ABCA13: variants seen among roughly 807,000 people sequenced by gnomAD.
ABCA13 encodes ATP-binding cassette sub-family A member 13.
In ABCA13, 476 loss-of-function variants were observed where a neutral mutation model predicts 478.7. The observed-to-expected ratio is 0.99, with a 90% CI of 0.92 to 1.07. The LOEUF is 1.07. Among genes scored for constraint, ABCA13 ranks in the 50% least tolerant of loss-of-function variants. The probability of loss-of-function intolerance (pLI) is 0.00; values close to 1 mark genes in which losing one functional copy is unlikely to be tolerated. For missense variants in ABCA13, 6,060 were observed against 5,910.6 expected (o/e 1.03, Z -0.83); for synonymous variants, 2,252 against 2,158.9 (o/e 1.04, Z -1.20).
At position 48,455,120 on chromosome 7, in the gene ABCA13, C is replaced by T. The variant is rs761878795; in HGVS notation, c.12649C>T (p.Arg4217Cys). The change falls in exon 43 of 62, where the codon CGC (arginine) becomes TGC (cysteine). Residue 4217 changes from arginine to cysteine, a missense_variant. By Grantham distance (180) the Arg-to-Cys change is radical. Coordinates refer to ENST00000435803, the MANE Select transcript of ABCA13 (RefSeq NM_152701.5). ...GGCCGCGATCCTGGCCCGGAGGCTC[C>T]GCCGCACGCTGCGCGCCGGGAAGAG... is the stretch of plus-strand genomic sequence containing the variant. ...QVAAILARRL[R>C]RTLRAGKSTL... 3.8e-6 allele frequency: 6 copies of T among 1,562,036 alleles called. No individual in the cohort carries two copies. The highest frequency in any genetic ancestry group is 1.9e-5 in the Admixed American group (1 of 52,736).
At chr7:48,546,085 A>G (rs187647451) in intron 55 of ABCA13, among the ~76,000 whole-genome samples, 2 of 152,004 alleles carry the variant, frequency 1.3e-5, no homozygotes, top group African/African-American at 2.4e-5. Flanking sequence ...AATTCCAAAA[A>G]CAAACTCTTA....
chr7:48,336,292 CAG>C (rs1323243924), intron 28 of ABCA13, among the ~76,000 whole-genome samples: 1 of 152,116 alleles, frequency 6.6e-6, no homozygotes, highest in Non-Finnish European at 1.5e-5. Context: ...GGTTTTGACA[CAG>C]AGAAAATGCT....
At position 48,272,354 on chromosome 7, in the gene ABCA13, G is replaced by A; in HGVS notation, c.2688G>A (p.Glu896=). The change falls in exon 17 of 62, where the codon GAG becomes GAA. Residue 896 remains glutamate (E), a synonymous_variant. Transcript: ENST00000435803. Reference sequence around the variant, plus strand: ...ACATAGATTTTGTACGTTTAAGTGAGGCTATAATAACTAGTCTCCATGAAT... The same window carrying A: ...ACATAGATTTTGTACGTTTAAGTGAAGCTATAATAACTAGTCTCCATGAAT... ...AMNIDFVRLS[E]AIITSLHEFG... 2 of 1,613,762 alleles carry A rather than the reference G, an allele frequency of 1.2e-6. No individual in the cohort carries two copies. The highest frequency in any genetic ancestry group is 1.7e-4 in the Middle Eastern group (1 of 6,060).
At chr7:48,405,178 A>G (rs1818100584) in intron 39 of ABCA13, among the ~76,000 whole-genome samples, 1 of 152,258 alleles carries the variant, frequency 6.6e-6, no homozygotes, top group Non-Finnish European at 1.5e-5. Flanking sequence ...CCTTGGAGCT[A>G]GCTGGCTGGA....
chr7:48,458,623 T>G (rs576912596), intron 43 of ABCA13, among the ~76,000 whole-genome samples: 2 of 152,340 alleles, frequency 1.3e-5, no homozygotes, highest in East Asian at 3.9e-4. Flanking sequence ...ATATCTACAT[T>G]AAATTCACTG....
intron 14 of ABCA13, among the ~76,000 whole-genome samples, 200 bp from the exon 15 acceptor site, chr7:48,249,012 T>C (rs957278079): frequency 2.6e-5 from 4 of 152,194 alleles, no homozygotes; most frequent in Non-Finnish European, 5.9e-5. Flanking sequence ...AAATTGCTTT[T>C]CCTTATTTTT....
chr7:48,590,433 A>G (rs889788225), intron 57 of ABCA13, among the ~76,000 whole-genome samples: 1 of 152,078 alleles, frequency 6.6e-6, no homozygotes, highest in Non-Finnish European at 1.5e-5. Flanking sequence ...TCTGTAAATA[A>G]TGTTGTCATG....
At chr7:48,333,052 C>G (rs1374929184) in intron 27 of ABCA13, among the ~76,000 whole-genome samples, 1 of 152,180 alleles carries the variant, frequency 6.6e-6, no homozygotes, top group African/African-American at 2.4e-5. Context: ...TTTCTCCTCT[C>G]TTTCAGAGAC....
chr7:48,632,794 A>G (rs1297309093), intron 59 of ABCA13, among the ~76,000 whole-genome samples: 1 of 152,210 alleles, frequency 6.6e-6, no homozygotes, highest in Non-Finnish European at 1.5e-5. Flanking sequence ...TGCTTGGCTG[A>G]GGAGCCAATG....
intron 56 of ABCA13, among the ~76,000 whole-genome samples, chr7:48,584,004 T>C (rs967448483): frequency 3.3e-5 from 5 of 152,232 alleles, no homozygotes; most frequent in Non-Finnish European, 7.3e-5. Context: ...ACATGACATA[T>C]GTTTCCTAAC....
intron 23 of ABCA13, among the ~76,000 whole-genome samples, chr7:48,309,662 G>A (rs1036037467): frequency 1.8e-4 from 28 of 152,138 alleles, no homozygotes; most frequent in Non-Finnish European, 8.8e-5. Flanking sequence ...TTCAGAGTGA[G>A]CCTCGTGGAG....
At chr7:48,630,227 TG>T (rs1162619589) in intron 59 of ABCA13, among the ~76,000 whole-genome samples, 2 of 152,120 alleles carry the variant, frequency 1.3e-5, no homozygotes, top group Non-Finnish European at 2.9e-5. Context: ...TTTCATGTCA[TG>T]GGGGTTTGGT....
At chr7:48,494,232 T>C (rs1172853975) in intron 48 of ABCA13, among the ~76,000 whole-genome samples, 2 of 152,154 alleles carry the variant, frequency 1.3e-5, no homozygotes, top group African/African-American at 4.8e-5. Flanking sequence ...GTGGATGACA[T>C]GCATGGTAGA....
At chr7:48,176,098 C>T (rs2128855915) in intron 1 of ABCA13, among the ~76,000 whole-genome samples, 1 of 152,290 alleles carries the variant, frequency 6.6e-6, no homozygotes, top group Non-Finnish European at 1.5e-5. Flanking sequence ...TGGTTGTTGT[C>T]TCCAGGATCC....
At chr7:48,324,565 T>C (rs777141928) in intron 27 of ABCA13, among the ~76,000 whole-genome samples, 2 of 152,206 alleles carry the variant, frequency 1.3e-5, no homozygotes, top group African/African-American at 2.4e-5. Flanking sequence ...GTGAACCCTG[T>C]CCTTATGGTT....
chr7:48,325,983 G>T (rs1431360929), intron 27 of ABCA13, among the ~76,000 whole-genome samples: 1 of 152,186 alleles, frequency 6.6e-6, no homozygotes, highest in African/African-American at 2.4e-5. Context: ...AATCTGCAAG[G>T]CTATAAAAGG....
intron 8 of ABCA13, among the ~76,000 whole-genome samples, chr7:48,235,626 T>C (rs1379797040): frequency 6.6e-6 from 1 of 152,218 alleles, no homozygotes; most frequent in Admixed American, 6.5e-5. Context: ...AGAATCAAGG[T>C]GTCTGCAGGG....
At chr7:48,335,393 GAC>G (rs1461581637) in intron 27 of ABCA13, 27 bp from the exon 28 acceptor site, 1 of 1,485,638 alleles carries the variant, frequency 6.7e-7, no homozygotes, top group Non-Finnish European at 9.3e-7. Context: ...CTGAATAAGA[GAC>G]ATATCCAAAT....
At chr7:48,325,938 A>G (rs1349267608) in intron 27 of ABCA13, among the ~76,000 whole-genome samples, 3 of 152,160 alleles carry the variant, frequency 2.0e-5, no homozygotes, top group Admixed American at 6.5e-5. Flanking sequence ...ATGAATCTGC[A>G]CTCTAGGGTA....
Sources: gnomAD v4.1 joint callset for allele counts (sites outside exome capture counted in the v4.1 genomes callset) on GRCh38, gnomAD v4.1.1 for gene constraint, MANE v1.5 for transcripts, NCBI Gene and HGNC (gene_info 2026-07-23, HGNC 2026-07-21) for gene names.